NOB1: variants seen among roughly 807,000 people sequenced by gnomAD.
The protein encoded by NOB1 is RNA-binding protein NOB1.
In NOB1, 44 loss-of-function variants were observed where a neutral mutation model predicts 44.8. That is an observed-to-expected ratio of 0.98 (90% CI 0.77 to 1.26). NOB1 has a LOEUF of 1.26. NOB1 is among the 50% of genes most tolerant of loss of function. The probability of loss-of-function intolerance (pLI) is 0.00; values close to 1 mark genes in which losing one functional copy is unlikely to be tolerated. For synonymous variants in NOB1, 238 were observed against 218.7 expected (o/e 1.09, Z -0.78); for missense variants, 560 against 544.8 (o/e 1.03, Z -0.28).
At chr16:69,746,377 G>A (rs1052856832) in intron 7 of NOB1, among the ~76,000 whole-genome samples, 6 of 152,228 alleles carry the variant, frequency 3.9e-5, no homozygotes, top group Non-Finnish European at 4.4e-5. Context: ...GCAAGGCTGC[G>A]GCAGAGGCTC....
In NOB1 at chr16:69,744,907, C is replaced by A. The variant is rs143009356; in HGVS notation, c.935G>T (p.Arg312Leu). 2 of 1,613,694 alleles carry A rather than the reference C, an allele frequency of 1.2e-6. No individual in the cohort carries two copies. The highest frequency in any genetic ancestry group is 8.5e-7 in the Non-Finnish European group (1 of 1,179,988). Reference protein sequence around the residue: ...DDGTLHMHFSRNPKVLNPRGL... With the variant: ...DDGTLHMHFSLNPKVLNPRGL... Reference sequence around the variant, plus strand: ...GCGGGGGTTCAGCACCTTGGGGTTGCGGGAGAAGTGCATGTGCAGGGTGCC... The same window carrying A: ...GCGGGGGTTCAGCACCTTGGGGTTGAGGGAGAAGTGCATGTGCAGGGTGCC... The change falls in exon 8 of 9, where the codon CGC becomes CTC. Residue 312 changes from arginine to leucine, a missense_variant. Transcript: ENST00000268802.
At position 69,742,547 on chromosome 16, in the gene NOB1, C is replaced by T. The variant is rs773950270; in HGVS notation, c.1024G>A (p.Glu342Lys). The change falls in exon 9 of 9, where the codon GAG becomes AAG. Residue 342 changes from glutamate to lysine, a missense_variant. Transcript: ENST00000268802. Reference protein sequence around the residue: ...GKYAINPHLTEDQRFPQLRLS... With the variant: ...GKYAINPHLTKDQRFPQLRLS... The stretch of plus-strand genomic sequence containing the variant: ...CGCAGCTGAGGGAAGCGCTGATCCT[C>T]GGTGAGATGGGGGTTGATGGCGTAT... The T allele has an allele frequency of 6.2e-6, 10 of 1,613,932 alleles. No homozygotes were observed. The East Asian group carries it at 1.6e-4, about 25-fold the overall frequency.
At chr16:69,751,573 CCAAA>C (rs753962906) in intron 3 of NOB1, among the ~76,000 whole-genome samples, 8 of 151,834 alleles carry the variant, frequency 5.3e-5, no homozygotes, top group Non-Finnish European at 8.8e-5. Context: ...GGATCCTGAT[CCAAA>C]CAAACAAACG....
Position 69,745,025 on chromosome 16 carries a change from A to G in NOB1, c.825-8T>C. 1 of 1,613,946 alleles carries G rather than the reference A, an allele frequency of 6.2e-7. No homozygotes were observed. Among genetic ancestry groups the G allele is most frequent in the Non-Finnish European group, 8.5e-7 (1 of 1,179,970 alleles). The stretch of plus-strand genomic sequence containing the variant: ...CTCATGTCAGACGTTGTCCTGGGAG[A>G]CACAAAAGGAGATGATCTGTACCAA... On this transcript the variant is annotated splice_region_variant and splice_polypyrimidine_tract_variant and intron_variant, in intron 7 of 8. Coordinates refer to ENST00000268802, the MANE Select transcript of NOB1 (RefSeq NM_014062.3).
chr16:69,749,314 T>C lies in NOB1; in HGVS notation c.424A>G (p.Lys142Glu). ...YKPKPPQETEKGHSACEPENL... is the reference protein window; with the variant it reads ...YKPKPPQETEEGHSACEPENL... ...TCAGGCTCACAAGCTGAGTGTCCTT[T>C]TTCTGTTTCTTGTGGGGGTTTAGGC... is the stretch of plus-strand genomic sequence containing the variant. The change falls in exon 5 of 9, where the codon AAA (lysine) becomes GAA (glutamate). Residue 142 changes from lysine (K) to glutamate (E), a missense_variant. By Grantham distance (56) the Lys-to-Glu change is moderately conservative (BLOSUM62 1). Transcript: ENST00000268802. The C allele has an allele frequency of 6.2e-7, 1 of 1,600,378 alleles. No homozygotes were observed.
chr16:69,754,788 C>T lies in NOB1; in HGVS notation c.63+60G>A, dbSNP rs1335994646. On this transcript the variant is annotated intron_variant, in intron 1 of 8. Transcript: ENST00000268802. ...CCAAGCAACGCTCCGCGCGACTCCA[C>T]GCACTCCGGGAGGGGCGGCCAGCCC... The T allele has an allele frequency of 2.5e-6, 4 of 1,611,478 alleles. No homozygotes were observed. In the African/African-American group the frequency reaches 5.3e-5, roughly 22 times the overall value.
chr16:69,749,412 CAT>C, intron 4 of NOB1, 74 bp from the exon 5 acceptor site: 2 of 1,567,564 alleles, frequency 1.3e-6, no homozygotes, highest in Non-Finnish European at 1.7e-6. Context: ...GATGAAATCA[CAT>C]ATGATATACA....
At chr16:69,744,117 G>A (rs1478264248) in intron 8 of NOB1, among the ~76,000 whole-genome samples, 2 of 152,212 alleles carry the variant, frequency 1.3e-5, no homozygotes, top group African/African-American at 4.8e-5. Flanking sequence ...CTGAGGTCAG[G>A]AGTTTGAGAA....
intron 8 of NOB1, among the ~76,000 whole-genome samples, chr16:69,742,921 C>G (rs1398844862): frequency 6.6e-6 from 1 of 152,090 alleles, no homozygotes; most frequent in Non-Finnish European, 1.5e-5. Flanking sequence ...CCATTGTAGC[C>G]AAGACGCAAT....
At position 69,752,285 on chromosome 16, in the gene NOB1, C is replaced by T. The variant is rs1372576424; in HGVS notation, c.283G>A (p.Ala95Thr). The T allele has an allele frequency of 6.2e-7, 1 of 1,613,418 alleles. No individual in the cohort carries two copies. The highest frequency in any genetic ancestry group is 1.7e-5 in the Admixed American group (1 of 60,010). Reference protein sequence around the residue: ...QVLALTYQLEAEFVGVSHLKQ... With the variant: ...QVLALTYQLETEFVGVSHLKQ... ...AGGTGAGACACCCCAACAAACTCTG[C>T]TTCCAACTGGTATGTGAGTGCAAGC... is the stretch of plus-strand genomic sequence containing the variant. Residue 95 changes from alanine (A) to threonine (T), a missense_variant, in exon 3 of 9, where the codon GCA becomes ACA. Physicochemically the swap from Ala to Thr is moderately conservative, Grantham distance 58 (BLOSUM62 0). Coordinates refer to ENST00000268802, the MANE Select transcript of NOB1 (RefSeq NM_014062.3).
chr16:69,745,704 G>C (rs2038425206), intron 7 of NOB1, among the ~76,000 whole-genome samples: 1 of 152,218 alleles, frequency 6.6e-6, no homozygotes, highest in South Asian at 2.1e-4. Flanking sequence ...CAGCGGCAAA[G>C]CAGTGGCCCT....
At position 69,754,876 on chromosome 16, in the gene NOB1, C is replaced by T; in HGVS notation, c.35G>A (p.Gly12Glu). 6.3e-7 allele frequency: 1 copy of T among 1,595,724 alleles called. No individual in the cohort carries two copies. Among genetic ancestry groups the T allele is most frequent in the Non-Finnish European group, 8.5e-7 (1 of 1,172,310 alleles). Residue 12 changes from glycine (G) to glutamate (E), a missense_variant, in exon 1 of 9, where the codon GGG (glycine) becomes GAG (glutamate). Physicochemically the swap from Gly to Glu is moderately conservative, Grantham distance 98 (BLOSUM62 -2). Transcript: ENST00000268802. ...APVEHVVADA[G>E]AFLRHAALQD... Reference sequence around the variant, plus strand: ...CAGAGCCGCATGCCGCAGGAAAGCCCCAGCATCCGCCACAACGTGCTCCAC... The same window carrying T: ...CAGAGCCGCATGCCGCAGGAAAGCCTCAGCATCCGCCACAACGTGCTCCAC...
Position 69,754,901 on chromosome 16 carries a change from C to G in NOB1, c.10G>C (p.Val4Leu). The G allele has an allele frequency of 6.3e-7, 1 of 1,588,254 alleles. No homozygotes were observed. Among genetic ancestry groups the G allele is most frequent in the Non-Finnish European group, 8.6e-7 (1 of 1,168,486 alleles). MAP[V>L]EHVVADAGAF... ...CCAGCATCCGCCACAACGTGCTCCACTGGAGCCATGTTGGCTGCGTGAGAG... is the reference window on the plus strand; with the variant it reads ...CCAGCATCCGCCACAACGTGCTCCAGTGGAGCCATGTTGGCTGCGTGAGAG... The change falls in exon 1 of 9, where the codon GTG becomes CTG. Residue 4 changes from valine (V) to leucine (L), a missense_variant. Physicochemically the swap from Val to Leu is conservative, Grantham distance 32 (BLOSUM62 1). Transcript: ENST00000268802.
chr16:69,745,620 C>T (rs2038424352), intron 7 of NOB1, among the ~76,000 whole-genome samples: 1 of 152,202 alleles, frequency 6.6e-6, no homozygotes, highest in South Asian at 2.1e-4. Flanking sequence ...GCACTGAGTG[C>T]AGAACCAAGG....
chr16:69,746,287 C>T (rs949189576), intron 7 of NOB1, among the ~76,000 whole-genome samples: 7 of 152,252 alleles, frequency 4.6e-5, no homozygotes, highest in Non-Finnish European at 7.3e-5. Context: ...AGATGATCTA[C>T]GTGATGCCCC....
Position 69,754,618 on chromosome 16 carries a change from G to T in NOB1, c.172C>A (p.Pro58Thr). ...CCCAGCCGCACGTATTCCGGTAAGG[G>T]CTCCTTGAACCGCAGCTCGTAGGGC... ...VLPYELRFKE[P>T]LPEYVRLVTE... The change falls in exon 2 of 9, where the codon CCC becomes ACC. Residue 58 changes from proline to threonine, a missense_variant. Pro to Thr is a conservative substitution (Grantham distance 38). Coordinates refer to ENST00000268802, the MANE Select transcript of NOB1 (RefSeq NM_014062.3). 1 of 1,614,140 alleles carries T rather than the reference G, an allele frequency of 6.2e-7. No individual in the cohort carries two copies.
In NOB1 at chr16:69,754,729, G is replaced by C. The variant is rs1316394055; in HGVS notation, c.64-3C>G. 2.5e-6 allele frequency: 4 copies of C among 1,614,092 alleles called. No individual in the cohort carries two copies. The highest frequency in any genetic ancestry group is 3.4e-6 in the Non-Finnish European group (4 of 1,180,034). On this transcript the variant is annotated splice_region_variant and splice_polypyrimidine_tract_variant and intron_variant, in intron 1 of 8. Coordinates refer to ENST00000268802, the MANE Select transcript of NOB1 (RefSeq NM_014062.3). The stretch of plus-strand genomic sequence containing the variant: ...GTGTAAATGTTCTTCCCGATGTCCT[G>C]CGGACAGAACGCCCCAGCTCAGACC...
At chr16:69,751,860 G>A (rs1218771022) in intron 3 of NOB1, among the ~76,000 whole-genome samples, 3 of 152,092 alleles carry the variant, frequency 2.0e-5, no homozygotes, top group South Asian at 2.1e-4. Context: ...TCAGGAGTTC[G>A]AGACCAGCCT....
rs755234226 is a variant in NOB1, at chr16:69,742,472, T to C, written c.1099A>G (p.Ile367Val). The change falls in exon 9 of 9, where the codon ATC becomes GTC. Residue 367 changes from isoleucine (I) to valine (V), a missense_variant. Transcript: ENST00000268802. ...TCGACAAAGGGTGACACCCCGGCGATGTAGTCAGGGGCGAACACGTTGGTT... is the reference window on the plus strand; with the variant it reads ...TCGACAAAGGGTGACACCCCGGCGACGTAGTCAGGGGCGAACACGTTGGTT... ...QKTNVFAPDY[I>V]AGVSPFVEND... 4 of 1,614,224 alleles carry C rather than the reference T, an allele frequency of 2.5e-6. No individual in the cohort carries two copies. Among genetic ancestry groups the C allele is most frequent in the South Asian group, 2.2e-5 (2 of 91,088 alleles).
Sources: gnomAD v4.1 joint callset for allele counts (sites outside exome capture counted in the v4.1 genomes callset) on GRCh38, gnomAD v4.1.1 for gene constraint, MANE v1.5 for transcripts, NCBI Gene and HGNC (gene_info 2026-07-23, HGNC 2026-07-21) for gene names.